SH3BP4: variants seen among roughly 807,000 people sequenced by gnomAD.
The protein encoded by SH3BP4 is SH3 domain-binding protein 4.
Under a neutral mutation model 65.5 loss-of-function variants are expected in SH3BP4, and 33 were observed. The ratio of observed to expected loss-of-function variants is 0.50; its 90% CI spans 0.38 to 0.67. The LOEUF (loss-of-function observed/expected upper bound fraction) is 0.67, where lower values mean the gene tolerates loss of function less well. Among genes scored for constraint, SH3BP4 ranks in the 30% least tolerant of loss-of-function variants. The probability of loss-of-function intolerance (pLI) is 0.00; values close to 1 mark genes in which losing one functional copy is unlikely to be tolerated. For missense variants in SH3BP4, 1,134 were observed against 1,261.4 expected, an observed-to-expected ratio of 0.90 and a Z score of 1.53; for synonymous variants, 552 against 545.5, an observed-to-expected ratio of 1.01 and a Z score of -0.17.
rs897883533 is a variant in SH3BP4, at chr2:235,035,614, A to G, written c.118+494A>G. On this transcript the variant is annotated intron_variant, in intron 3 of 5. Transcript: ENST00000392011. This position sits in a 1 kb window ranked among gnomAD's most constrained non-coding sequence, Gnocchi z 5.0. ...AGCATCCATGAAGTTAAGTCATTAA[A>G]TAGCCAGAGTCGTGTTTCCAAGACA... is the stretch of plus-strand genomic sequence containing the variant. 6.6e-6 allele frequency among the ~76,000 whole-genome samples: 1 copy of G among 152,248 alleles called. No homozygotes were observed. The highest frequency in any genetic ancestry group is 2.4e-5 in the African/African-American group (1 of 41,478).
rs1692483541 is a variant in SH3BP4 at position 234,952,140 on chromosome 2, C to CA, written c.-236dup. On this transcript the variant is annotated 5_prime_UTR_variant, in exon 1 of 6. Coordinates refer to ENST00000392011, the MANE Select transcript of SH3BP4 (RefSeq NM_014521.3). This position sits in a 1 kb window ranked among gnomAD's most constrained non-coding sequence, Gnocchi z 6.5. Reference sequence around the variant, plus strand: ...AGCCGCTGGCCGACGAGCGGAGCCTCAGGAGCCGGCGGGGACGCCATGCGA... The same window carrying CA: ...AGCCGCTGGCCGACGAGCGGAGCCTCAAGGAGCCGGCGGGGACGCCATGCGA... The CA allele has an allele frequency of 6.7e-6, 1 of 149,098 alleles. No homozygotes were observed. Among genetic ancestry groups the CA allele is most frequent in the African/African-American group, 2.4e-5 (1 of 40,992 alleles). 9.2% of individuals were successfully genotyped at this position (149,098 alleles called of 1,614,324 possible). A position where few individuals can be genotyped will look rare whatever the true frequency, so the allele number is the denominator to read the frequency against.
At chr2:235,036,047 T>A (rs1695367838) in intron 3 of SH3BP4, among the ~76,000 whole-genome samples, 1 of 152,254 alleles carries the variant, frequency 6.6e-6, no homozygotes, top group African/African-American at 2.4e-5. Context: ...AGTAAATGTT[T>A]CTTGAACTAA....
chr2:234,985,673 C>G (rs137922632), intron 1 of SH3BP4, among the ~76,000 whole-genome samples: 14 of 152,338 alleles, frequency 9.2e-5, no homozygotes, highest in African/African-American at 2.4e-4. Flanking sequence ...TTGTAGCATC[C>G]TCCCTTGATG....
chr2:235,009,682 C>T (rs992514442), intron 2 of SH3BP4, among the ~76,000 whole-genome samples: 8 of 152,086 alleles, frequency 5.3e-5, no homozygotes, highest in African/African-American at 1.2e-4. Context: ...CTGGATCTCT[C>T]TATGGATCTC....
At chr2:235,007,072 G>C (rs1420239772) in intron 2 of SH3BP4, among the ~76,000 whole-genome samples, 3 of 151,796 alleles carry the variant, frequency 2.0e-5, no homozygotes, top group African/African-American at 7.3e-5. Flanking sequence ...GGTCAGAATG[G>C]AAATGAATTC....
chr2:234,980,862 G>A (rs951584456), intron 1 of SH3BP4, among the ~76,000 whole-genome samples: 4 of 152,078 alleles, frequency 2.6e-5, no homozygotes, highest in South Asian at 4.2e-4. Flanking sequence ...GTTTTTGCCC[G>A]TTTTTCTTAC....
intron 1 of SH3BP4, among the ~76,000 whole-genome samples, chr2:234,986,510 A>G (rs1444958781): frequency 6.6e-6 from 1 of 152,208 alleles, no homozygotes; most frequent in African/African-American, 2.4e-5. Context: ...CTGGTCTGGA[A>G]TCTTACACCC....
At chr2:234,955,601 C>T (rs190726460) in intron 1 of SH3BP4, among the ~76,000 whole-genome samples, 2 of 152,192 alleles carry the variant, frequency 1.3e-5, no homozygotes, top group Admixed American at 1.3e-4. Flanking sequence ...GGCTGTGTGC[C>T]GTGTTTTAAG....
intron 2 of SH3BP4, among the ~76,000 whole-genome samples, chr2:234,996,232 A>G (rs1191331341): frequency 2.6e-5 from 4 of 152,232 alleles, no homozygotes; most frequent in Admixed American, 6.5e-5. Flanking sequence ...CGCAGCTCAC[A>G]GTGGGATTCC....
In SH3BP4 at chr2:235,043,005, C is replaced by T. The variant is rs767980969; in HGVS notation, c.2236C>T (p.Arg746Trp). Residue 746 changes from arginine to tryptophan, a missense_variant, in exon 4 of 6, where the codon CGG (arginine) becomes TGG (tryptophan). Physicochemically the swap from Arg to Trp is moderately radical, Grantham distance 101 (BLOSUM62 -3). Coordinates refer to ENST00000392011, the MANE Select transcript of SH3BP4 (RefSeq NM_014521.3). The part of the protein sequence containing the change: ...STSVLLEQIL[R>W]PCKFLTYIYA... ...CTCGGTGCTGCTGGAGCAGATCCTG[C>T]GGCCCTGCAAATTCCTCACGTACAT... 32 of 1,609,222 alleles carry T rather than the reference C, an allele frequency of 2.0e-5. No individual in the cohort carries two copies. The highest frequency in any genetic ancestry group is 3.3e-5 in the South Asian group (3 of 90,988).
At chr2:234,960,038 G>A (rs1395549437) in intron 1 of SH3BP4, among the ~76,000 whole-genome samples, 1 of 152,204 alleles carries the variant, frequency 6.6e-6, no homozygotes. Flanking sequence ...TTTAAATCCT[G>A]CTAACAATCA....
At chr2:235,032,521 C>A (rs1304244223) in intron 2 of SH3BP4, among the ~76,000 whole-genome samples, 1 of 152,226 alleles carries the variant, frequency 6.6e-6, no homozygotes, top group Non-Finnish European at 1.5e-5. Flanking sequence ...AGGTGGCCAT[C>A]ACTGGGGTCT....
At position 235,042,233 on chromosome 2, in the gene SH3BP4, C is replaced by A; in HGVS notation, c.1464C>A (p.Phe488Leu). The A allele has an allele frequency of 6.2e-7, 1 of 1,614,122 alleles. No homozygotes were observed. Residue 488 changes from phenylalanine (F) to leucine (L), a missense_variant, in exon 4 of 6, where the codon TTC becomes TTA. By Grantham distance (22) the Phe-to-Leu change is conservative. Coordinates refer to ENST00000392011, the MANE Select transcript of SH3BP4 (RefSeq NM_014521.3). This position sits in a 1 kb window ranked among gnomAD's most constrained non-coding sequence, Gnocchi z 7.3. ...LYGPKHIHPSFKTVVTIFGHD... is the reference protein window; with the variant it reads ...LYGPKHIHPSLKTVVTIFGHD... ...GCCCTAAACACATCCACCCATCCTTCAAGACGGTAGTGACCATTTTTGGGC... is the reference window on the plus strand; with the variant it reads ...GCCCTAAACACATCCACCCATCCTTAAAGACGGTAGTGACCATTTTTGGGC...
rs540664625 is a variant in SH3BP4 at position 235,000,617 on chromosome 2, A to G, written c.-133+5241A>G. Among the ~76,000 whole-genome samples the G allele has an allele frequency of 7.2e-4, 109 of 152,300 alleles. 1 individual carries two copies. Among genetic ancestry groups the G allele is most frequent in the African/African-American group, 2.5e-3 (103 of 41,572 alleles). On this transcript the variant is annotated intron_variant, in intron 2 of 5. Transcript: ENST00000392011. ...TGGAGGACGTCAAGCCGCGATGTTC[A>G]TGTCCCCATTGCGTAGAGGTGGGTC... is the stretch of plus-strand genomic sequence containing the variant.
intron 1 of SH3BP4, among the ~76,000 whole-genome samples, chr2:234,966,979 A>G (rs892618480): frequency 5.9e-5 from 9 of 152,240 alleles, no homozygotes; most frequent in African/African-American, 1.2e-4. Flanking sequence ...GTGTTCATGC[A>G]TAACACATAT....
intron 4 of SH3BP4, 105 bp downstream of exon 4, chr2:235,043,352 G>A: frequency 1.2e-6 from 1 of 825,936 alleles, no homozygotes. Context: ...AAGTCACCAG[G>A]ACAGTGTCTG....
At chr2:234,986,323 C>T (rs1425068170) in intron 1 of SH3BP4, among the ~76,000 whole-genome samples, 1 of 152,226 alleles carries the variant, frequency 6.6e-6, no homozygotes, top group Non-Finnish European at 1.5e-5. Context: ...AAGTCTTCAA[C>T]ATACTGATGT....
At chr2:235,047,494 G>T (rs1196696310) in intron 4 of SH3BP4, among the ~76,000 whole-genome samples, 1 of 152,256 alleles carries the variant, frequency 6.6e-6, no homozygotes, top group Non-Finnish European at 1.5e-5. Context: ...GCCTTTGAAA[G>T]GGAACCCAGC....
At position 235,045,419 on chromosome 2, in the gene SH3BP4, G is replaced by A. The variant is rs1004961020; in HGVS notation, c.2478+2172G>A. ...ATAAATGATCAAACTCTCTCAATTC[G>A]ATTGGTGAGCATCTCTGGGAGGGGA... On this transcript the variant is annotated intron_variant, in intron 4 of 5. Coordinates refer to ENST00000392011, the MANE Select transcript of SH3BP4 (RefSeq NM_014521.3). This position sits in a 1 kb window ranked among gnomAD's most constrained non-coding sequence, Gnocchi z 4.3. Among the ~76,000 whole-genome samples, 2 of 152,036 alleles carry A rather than the reference G, an allele frequency of 1.3e-5. No individual in the cohort carries two copies. The highest frequency in any genetic ancestry group is 1.9e-4 in the East Asian group (1 of 5,184).
Sources: allele counts gnomAD v4.1 joint callset (sites outside exome capture counted in the v4.1 genomes callset), GRCh38; gene constraint gnomAD v4.1.1; non-coding constraint Gnocchi (gnomAD v3.1); transcripts MANE v1.5; gene names NCBI Gene and HGNC (gene_info 2026-07-23, HGNC 2026-07-21).